The following BACE2 variants were observed in gnomAD, a reference collection of about 807,000 sequenced individuals.
BACE2 encodes beta-secretase 2.
A neutral mutation model predicts 46.2 loss-of-function variants in BACE2; 17 were observed. The observed-to-expected ratio is 0.37, with a 90% CI of 0.25 to 0.55. BACE2 has a LOEUF of 0.55. Among genes scored for constraint, BACE2 ranks in the 20% least tolerant of loss-of-function variants. The probability of loss-of-function intolerance (pLI) is 0.82; values close to 1 mark genes in which losing one functional copy is unlikely to be tolerated. For synonymous variants in BACE2, 277 were observed against 295.9 expected, an observed-to-expected ratio of 0.94 and a Z score of 0.66; for missense variants, 595 against 698.1, an observed-to-expected ratio of 0.85 and a Z score of 1.66.
chr21:41,234,618 A>G (rs1987062019), intron 2 of BACE2, among the ~76,000 whole-genome samples: 2 of 152,236 alleles, frequency 1.3e-5, no homozygotes, highest in South Asian at 2.1e-4. Flanking sequence ...GCATTTCAAG[A>G]TAATTAGTCT....
chr21:41,249,721 T>G (rs1210700531), intron 6 of BACE2, among the ~76,000 whole-genome samples: 1 of 152,148 alleles, frequency 6.6e-6, no homozygotes, highest in African/African-American at 2.4e-5. Context: ...CATGGCTTTT[T>G]CCTGCTCTGC....
chr21:41,266,297 G>A (rs912340780), intron 8 of BACE2, among the ~76,000 whole-genome samples: 1 of 152,074 alleles, frequency 6.6e-6, no homozygotes, highest in Non-Finnish European at 1.5e-5. Context: ...TTCCATCACC[G>A]ATGGGGAGTT....
At chr21:41,240,190 T>C (rs936928976) in intron 3 of BACE2, among the ~76,000 whole-genome samples, 2 of 152,028 alleles carry the variant, frequency 1.3e-5, no homozygotes, top group African/African-American at 4.8e-5. Flanking sequence ...CTGAGACAGG[T>C]GGGCTGAGCG....
At position 41,275,700 on chromosome 21, in the gene BACE2, C is replaced by T. The variant is rs2088480644; in HGVS notation, c.*76C>T. ...ACATTTCCAGGGCAGCAGCCGGGATCGATGGTGGCGCTTTCTCCTGTGCCC... is the reference window on the plus strand; with the variant it reads ...ACATTTCCAGGGCAGCAGCCGGGATTGATGGTGGCGCTTTCTCCTGTGCCC... On this transcript the variant is annotated 3_prime_UTR_variant, in exon 9 of 9. Coordinates refer to ENST00000330333, the MANE Select transcript of BACE2 (RefSeq NM_012105.5). 23 of 1,547,196 alleles carry T rather than the reference C, an allele frequency of 1.5e-5. No homozygotes were observed. Among genetic ancestry groups the T allele is most frequent in the South Asian group, 7.3e-5 (6 of 82,396 alleles).
At chr21:41,223,761 T>C (rs1986725276) in intron 1 of BACE2, among the ~76,000 whole-genome samples, 1 of 152,174 alleles carries the variant, frequency 6.6e-6, no homozygotes, top group African/African-American at 2.4e-5. Flanking sequence ...CCATAAAAGA[T>C]GACTATTAGC....
At chr21:41,196,806 C>T (rs879788674) in intron 1 of BACE2, among the ~76,000 whole-genome samples, 5 of 152,196 alleles carry the variant, frequency 3.3e-5, no homozygotes, top group Non-Finnish European at 5.9e-5. Flanking sequence ...TCTTCGTTGA[C>T]GGTGACACAC....
intron 8 of BACE2, among the ~76,000 whole-genome samples, chr21:41,270,434 T>C (rs1380506755): frequency 6.6e-6 from 1 of 152,104 alleles, no homozygotes; most frequent in African/African-American, 2.4e-5. Flanking sequence ...ATATATATAA[T>C]GGAGATGGGG....
chr21:41,245,247 T>C (rs1473500270), intron 5 of BACE2, among the ~76,000 whole-genome samples: 2 of 152,262 alleles, frequency 1.3e-5, no homozygotes, highest in Non-Finnish European at 2.9e-5. Flanking sequence ...GGTGTATTGG[T>C]CATGTGACTC....
At chr21:41,217,404 T>G (rs1026309699) in intron 1 of BACE2, among the ~76,000 whole-genome samples, 2 of 152,250 alleles carry the variant, frequency 1.3e-5, no homozygotes, top group Admixed American at 6.5e-5. Flanking sequence ...TTTGTGTGTT[T>G]GTTTTCTGTC....
At chr21:41,236,752 C>G (rs1489016773) in intron 2 of BACE2, 1 of 152,214 alleles carries the variant, frequency 6.6e-6, no homozygotes. Context: ...GAGCCTCCCT[C>G]TGGGATGCCG....
At chr21:41,238,624 T>TA (rs750136444) in intron 3 of BACE2, among the ~76,000 whole-genome samples, 2 of 152,010 alleles carry the variant, frequency 1.3e-5, no homozygotes, top group East Asian at 3.9e-4. Context: ...TATGCAGCCA[T>TA]AAAAAATGAT....
intron 1 of BACE2, among the ~76,000 whole-genome samples, chr21:41,206,655 T>C (rs980607371): frequency 4.6e-5 from 7 of 152,180 alleles, no homozygotes; most frequent in Non-Finnish European, 8.8e-5. Flanking sequence ...AGTTGTTTAA[T>C]GGGTAACGGG....
At chr21:41,207,444 C>A (rs886951375) in intron 1 of BACE2, among the ~76,000 whole-genome samples, 1 of 152,186 alleles carries the variant, frequency 6.6e-6, no homozygotes, top group Admixed American at 6.5e-5. Context: ...AGTGAATGCG[C>A]TCACACATGA....
At chr21:41,174,543 C>T (rs1442069421) in intron 1 of BACE2, among the ~76,000 whole-genome samples, 1 of 152,140 alleles carries the variant, frequency 6.6e-6, no homozygotes, top group Non-Finnish European at 1.5e-5. Context: ...TAGTATCTGA[C>T]AGCATGCCTT....
intron 7 of BACE2, among the ~76,000 whole-genome samples, chr21:41,253,237 C>T (rs185289490): frequency 0.01 from 1,569 of 151,946 alleles, 30 homozygotes; most frequent in African/African-American, 0.035. Context: ...GTCAGGAGTT[C>T]GAGACCAGCC....
intron 1 of BACE2, among the ~76,000 whole-genome samples, chr21:41,191,555 C>T (rs1471671849): frequency 3.3e-5 from 5 of 152,166 alleles, no homozygotes; most frequent in Admixed American, 6.5e-5. Flanking sequence ...CAACCTGCTA[C>T]CAGGTAGCTG....
At chr21:41,270,735 G>C (rs968626200) in intron 8 of BACE2, among the ~76,000 whole-genome samples, 1 of 152,148 alleles carries the variant, frequency 6.6e-6, no homozygotes, top group Non-Finnish European at 1.5e-5. Flanking sequence ...CCAGAATATA[G>C]TCTATCACAG....
intron 1 of BACE2, among the ~76,000 whole-genome samples, chr21:41,213,116 A>G (rs1336735183): frequency 6.6e-6 from 1 of 152,202 alleles, no homozygotes; most frequent in East Asian, 1.9e-4. Context: ...GTGAATTCCT[A>G]TTAGTTGCAG....
At chr21:41,211,769 A>G (rs746424665) in intron 1 of BACE2, among the ~76,000 whole-genome samples, 35 of 152,276 alleles carry the variant, frequency 2.3e-4, no homozygotes, top group Non-Finnish European at 4.6e-4. Context: ...AGAGAGTAAT[A>G]TCTGAGAAAT....
Sources: allele counts gnomAD v4.1 joint callset (sites outside exome capture counted in the v4.1 genomes callset), GRCh38; gene constraint gnomAD v4.1.1; transcripts MANE v1.5; gene names NCBI Gene and HGNC (gene_info 2026-07-23, HGNC 2026-07-21).